The following PDE1C variants were observed in gnomAD, a reference collection of about 807,000 sequenced individuals.
PDE1C encodes the protein dual specificity calcium/calmodulin-dependent 3',5'-cyclic nucleotide phosphodiesterase 1C.
PDE1C carries 62 observed loss-of-function variants against 93.1 expected under a neutral mutation model. That is an observed-to-expected ratio of 0.67 (90% CI 0.54 to 0.82). PDE1C has a LOEUF of 0.82. Among genes scored for constraint, PDE1C ranks in the 40% least tolerant of loss-of-function variants. The probability of loss-of-function intolerance (pLI) is 0.00; values close to 1 mark genes in which losing one functional copy is unlikely to be tolerated. For synonymous variants in PDE1C, 325 were observed against 310.1 expected (o/e 1.05, Z -0.50); for missense variants, 742 against 884.6 (o/e 0.84, Z 2.04).
At chr7:31,777,911 C>T (rs1783120930) in intron 16 of PDE1C, among the ~76,000 whole-genome samples, 1 of 152,036 alleles carries the variant, frequency 6.6e-6, no homozygotes, top group African/African-American at 2.4e-5. Flanking sequence ...ATAGAGGGTC[C>T]AACCCTGGCT....
the PDE1C span, among the ~76,000 whole-genome samples, chr7:31,724,209 T>C: frequency 6.6e-6 from 1 of 152,166 alleles, no homozygotes; most frequent in African/African-American, 2.4e-5. Context: ...GTGAGGTGTC[T>C]ATGGTGCAAA....
chr7:32,293,152 G>C (rs1041180141), intron 1 of PDE1C, among the ~76,000 whole-genome samples: 1 of 152,218 alleles, frequency 6.6e-6, no homozygotes, highest in Admixed American at 6.5e-5. Flanking sequence ...GCCAGGCACT[G>C]TGCATGGCCC....
At chr7:31,906,763 G>A (rs1239852736) in intron 2 of PDE1C, among the ~76,000 whole-genome samples, 1 of 152,108 alleles carries the variant, frequency 6.6e-6, no homozygotes, top group Non-Finnish European at 1.5e-5. Flanking sequence ...GCATTTACTA[G>A]TTGTATGACC....
At chr7:31,881,581 A>G (rs911487971) in intron 2 of PDE1C, among the ~76,000 whole-genome samples, 4 of 152,204 alleles carry the variant, frequency 2.6e-5, no homozygotes, top group African/African-American at 9.6e-5. Context: ...AACATGCGGT[A>G]ACTGAGAATA....
chr7:32,040,110 A>G (rs1175318765), intron 2 of PDE1C, among the ~76,000 whole-genome samples: 1 of 152,154 alleles, frequency 6.6e-6, no homozygotes, highest in African/African-American at 2.4e-5. Context: ...CATTTATGAA[A>G]CATAAGTCAT....
intron 17 of PDE1C, among the ~76,000 whole-genome samples, chr7:31,773,112 G>A (rs902803281): frequency 1.3e-5 from 2 of 152,236 alleles, no homozygotes; most frequent in African/African-American, 4.8e-5. Context: ...GTCCTGTAGT[G>A]TCAATCTGCA....
intron 1 of PDE1C, among the ~76,000 whole-genome samples, chr7:32,349,083 T>C (rs921861886): frequency 2.0e-5 from 3 of 152,196 alleles, no homozygotes; most frequent in Non-Finnish European, 4.4e-5. Flanking sequence ...TAATTCAAAC[T>C]CATTCTCCAA....
intron 2 of PDE1C, among the ~76,000 whole-genome samples, chr7:31,956,616 C>G (rs1254226822): frequency 6.6e-6 from 1 of 151,200 alleles, no homozygotes; most frequent in Non-Finnish European, 1.5e-5. Flanking sequence ...AATTTCAGGA[C>G]AGCCTGAAAT....
chr7:31,715,089 C>T, the PDE1C span, among the ~76,000 whole-genome samples: 84 of 152,222 alleles, frequency 5.5e-4, no homozygotes, highest in Non-Finnish European at 1.8e-4. Flanking sequence ...GAGAACTAAC[C>T]TAATGACAAA....
chr7:32,102,960 A>G (rs1798109786), intron 3 of PDE1C, among the ~76,000 whole-genome samples: 1 of 152,190 alleles, frequency 6.6e-6, no homozygotes, highest in Admixed American at 6.5e-5. Flanking sequence ...GACAACCCAC[A>G]TAAAACCATA....
intron 2 of PDE1C, chr7:32,209,435 T>C (rs1049860862): frequency 1.4e-6 from 2 of 1,427,616 alleles, no homozygotes; most frequent in African/African-American, 1.4e-5. Context: ...GAAAGATCTC[T>C]GGAGAACATT....
intron 2 of PDE1C, among the ~76,000 whole-genome samples, chr7:31,923,783 G>C (rs1283591157): frequency 6.6e-6 from 1 of 152,004 alleles, no homozygotes; most frequent in Non-Finnish European, 1.5e-5. Context: ...AGACCACCCT[G>C]GGCAACAAAG....
At chr7:32,030,277 A>G (rs1790138214) in intron 2 of PDE1C, among the ~76,000 whole-genome samples, 2 of 152,114 alleles carry the variant, frequency 1.3e-5, no homozygotes, top group South Asian at 4.1e-4. Flanking sequence ...GAGAAAAAGA[A>G]TGATTTTAAA....
chr7:31,841,826 T>G (rs1791942027), intron 9 of PDE1C, among the ~76,000 whole-genome samples: 1 of 152,076 alleles, frequency 6.6e-6, no homozygotes, highest in South Asian at 2.1e-4. Context: ...GCAGGGTAAA[T>G]CAGCAAGTGG....
chr7:32,374,250 GGAAAGGAAGAAAGAAAGAAA>G (rs1177114381), intron 1 of PDE1C, among the ~76,000 whole-genome samples: 1 of 57,846 alleles, frequency 1.7e-5, no homozygotes, highest in African/African-American at 5.9e-5. Flanking sequence ...AGGAAGGAAA[GGAAAGGAAGAAAGAAAGAAA>G]GAAAGAAAGA....
At chr7:31,620,214 T>G in the PDE1C span, among the ~76,000 whole-genome samples, 16 of 151,670 alleles carry the variant, frequency 1.1e-4, no homozygotes, top group African/African-American at 7.3e-5. Flanking sequence ...AGTAACCTCT[T>G]CAGACTTAAA....
intron 1 of PDE1C, among the ~76,000 whole-genome samples, chr7:32,256,341 A>G (rs1809792713): frequency 1.3e-5 from 2 of 152,194 alleles, no homozygotes; most frequent in Non-Finnish European, 2.9e-5. Flanking sequence ...CTCCCACTGC[A>G]GCCCTGGAAG....
intron 17 of PDE1C, among the ~76,000 whole-genome samples, chr7:31,773,552 A>G (rs1406339708): frequency 2.0e-5 from 3 of 151,964 alleles, no homozygotes; most frequent in Non-Finnish European, 4.4e-5. Flanking sequence ...CCAAGAGCAT[A>G]ATAACCTCAA....
At chr7:32,049,722 T>C (rs1041931202) in intron 2 of PDE1C, among the ~76,000 whole-genome samples, 2 of 152,158 alleles carry the variant, frequency 1.3e-5, no homozygotes, top group Non-Finnish European at 2.9e-5. Flanking sequence ...ATCTGTTTAA[T>C]TCCATAACAC....
Sources: gnomAD v4.1 joint callset for allele counts (sites outside exome capture counted in the v4.1 genomes callset) on GRCh38, gnomAD v4.1.1 for gene constraint, MANE v1.5 for transcripts, NCBI Gene and HGNC (gene_info 2026-07-23, HGNC 2026-07-21) for gene names.